The following ZNF25 variants were observed in gnomAD, a reference collection of about 807,000 sequenced individuals.
ZNF25 encodes zinc finger protein 25.
Under a neutral mutation model 30.9 loss-of-function variants are expected in ZNF25, and 21 were observed. The ratio of observed to expected loss-of-function variants is 0.68; its 90% CI spans 0.48 to 0.98. The LOEUF (loss-of-function observed/expected upper bound fraction) is 0.98, where lower values mean the gene tolerates loss of function less well. ZNF25 is among the 50% of genes least tolerant of loss of function. The pLI is 0.00. For synonymous variants in ZNF25, 169 were observed against 181.3 expected (o/e 0.93, Z 0.55); for missense variants, 501 against 529.9 (o/e 0.95, Z 0.54).
chr10:37,953,738 C>A lies in ZNF25; in HGVS notation c.259G>T (p.Asp87Tyr). 13 of 1,613,974 alleles carry A rather than the reference C, an allele frequency of 8.1e-6. No homozygotes were observed. Among genetic ancestry groups the A allele is most frequent in the Non-Finnish European group, 9.3e-6 (11 of 1,179,938 alleles). The part of the protein sequence containing the change: ...GFPEDLWSIH[D>Y]LEARYQESQA... ...CTTTCCTGGTATCTTGCTTCTAGAT[C>A]ATGAATGCTCCATAGGTCTTCTACA... is the stretch of plus-strand genomic sequence containing the variant. Residue 87 changes from aspartate (D) to tyrosine (Y), a missense_variant, in exon 5 of 6, where the codon GAT becomes TAT. Transcript: ENST00000302609.
At chr10:37,965,886 AG>A (rs1359583326) in intron 2 of ZNF25, among the ~76,000 whole-genome samples, 1 of 152,186 alleles carries the variant, frequency 6.6e-6, no homozygotes, top group Non-Finnish European at 1.5e-5. Flanking sequence ...AACAACATAA[AG>A]GGGGGAGAAA....
intron 1 of ZNF25, among the ~76,000 whole-genome samples, chr10:37,972,876 AC>A (rs1221817687): frequency 1.3e-5 from 2 of 152,120 alleles, no homozygotes; most frequent in Non-Finnish European, 2.9e-5. Flanking sequence ...ACATTAGAAA[AC>A]CAGTAGCAGG....
chr10:37,960,680 T>C (rs1480627767), intron 2 of ZNF25, among the ~76,000 whole-genome samples: 1 of 135,812 alleles, frequency 7.4e-6, no homozygotes, highest in Non-Finnish European at 1.5e-5. Flanking sequence ...TCCGAGATAA[T>C]GGCAGGAGAC....
chr10:37,964,020 T>C (rs1012144559), intron 2 of ZNF25, among the ~76,000 whole-genome samples: 22 of 152,088 alleles, frequency 1.4e-4, no homozygotes, highest in African/African-American at 5.1e-4. Context: ...ACCTACCCCT[T>C]ATCTCTCTCT....
At chr10:37,957,647 C>T (rs2062616508) in intron 2 of ZNF25, 101 bp from the exon 3 acceptor site, 3 of 1,303,072 alleles carry the variant, frequency 2.3e-6, no homozygotes, top group Non-Finnish European at 3.1e-6. Context: ...CTGCAAAGTT[C>T]ATTCTGGAGA....
intron 2 of ZNF25, among the ~76,000 whole-genome samples, chr10:37,968,572 T>A (rs1443017923): frequency 6.6e-6 from 1 of 151,962 alleles, no homozygotes; most frequent in East Asian, 1.9e-4. Context: ...ACCAGGCTGG[T>A]CTGAACTCCT....
In ZNF25 at chr10:37,957,560, C is replaced by A; in HGVS notation, c.16-14G>T. 3.1e-6 allele frequency: 5 copies of A among 1,609,890 alleles called. No homozygotes were observed. Among genetic ancestry groups the A allele is most frequent in the Non-Finnish European group, 4.2e-6 (5 of 1,178,194 alleles). Reference sequence around the variant, plus strand: ...TGTCACGGGTCCCTGGAATAACATACTTCAGTTCAATTTGAAGTAACCAGA... The same window carrying A: ...TGTCACGGGTCCCTGGAATAACATAATTCAGTTCAATTTGAAGTAACCAGA... On this transcript the variant is annotated splice_polypyrimidine_tract_variant and intron_variant, in intron 2 of 5. Coordinates refer to ENST00000302609, the MANE Select transcript of ZNF25 (RefSeq NM_145011.4).
chr10:37,956,965 G>A lies in ZNF25; in HGVS notation c.238+55C>T, dbSNP rs1357136177. ...AGATTGCCGAAAAGTACTTCAGAAGGCAAGAGGCACCAACTACTCACCAGT... is the reference window on the plus strand; with the variant it reads ...AGATTGCCGAAAAGTACTTCAGAAGACAAGAGGCACCAACTACTCACCAGT... On this transcript the variant is annotated intron_variant, in intron 4 of 5. Coordinates refer to ENST00000302609, the MANE Select transcript of ZNF25 (RefSeq NM_145011.4). The A allele has an allele frequency of 1.8e-5, 23 of 1,285,632 alleles. No homozygotes were observed. The East Asian group carries it at 4.9e-4, about 27-fold the overall frequency. 79.6% of individuals were successfully genotyped at this position (1,285,632 alleles called of 1,614,324 possible).
At chr10:37,953,416 G>C in intron 5 of ZNF25, 1 of 605,580 alleles carries the variant, frequency 1.7e-6, no homozygotes. Flanking sequence ...CTATTCACAG[G>C]GTCTCTCAAT....
chr10:37,952,952 T>C lies in ZNF25; in HGVS notation c.546A>G (p.Ile182Met). The part of the protein sequence containing the change: ...KTYECKECKK[I>M]FYHLSSLSRH... ...TACTGAGAGATGATAGGTGGTAAAA[T>C]ATTTTCTTACATTCTTTACACTCAT... Residue 182 changes from isoleucine (I) to methionine (M), a missense_variant, in exon 6 of 6, where the codon ATA becomes ATG. Coordinates refer to ENST00000302609, the MANE Select transcript of ZNF25 (RefSeq NM_145011.4). 6.2e-7 allele frequency: 1 copy of C among 1,614,164 alleles called. No homozygotes were observed. The highest frequency in any genetic ancestry group is 1.6e-4 in the Middle Eastern group (1 of 6,062).
intron 2 of ZNF25, among the ~76,000 whole-genome samples, chr10:37,959,971 G>A (rs2062760714): frequency 6.6e-6 from 1 of 151,240 alleles, no homozygotes; most frequent in Non-Finnish European, 1.5e-5. Context: ...CTGGAGTGCA[G>A]GGGCGCGATC....
rs761600291 is a variant in ZNF25 at position 37,953,107 on chromosome 10, AC to A, written c.390del (p.Lys130AsnfsTer5). The part of the protein sequence containing the change: ...CKECGKFFCQ[K>X]SALIVHQHTH... ...GTATGCTGATGTACTATGAGGGCAG[AC>A]TTCTGGCAGAAGAACTTCCCACATT... On this transcript the variant is annotated frameshift_variant, in exon 6 of 6. Transcript: ENST00000302609. LOFTEE classifies it high-confidence loss of function. The A allele has an allele frequency of 6.2e-7, 1 of 1,612,892 alleles. No individual in the cohort carries two copies. Among genetic ancestry groups the A allele is most frequent in the East Asian group, 2.2e-5 (1 of 44,808 alleles).
intron 1 of ZNF25, among the ~76,000 whole-genome samples, chr10:37,973,565 G>T (rs1198808695): frequency 6.9e-6 from 1 of 144,100 alleles, no homozygotes; most frequent in African/African-American, 2.6e-5. Flanking sequence ...GTTGCAGTGA[G>T]CCAAGATTGC....
chr10:37,965,330 C>T (rs1358656145), intron 2 of ZNF25, among the ~76,000 whole-genome samples: 1 of 152,140 alleles, frequency 6.6e-6, no homozygotes, highest in African/African-American at 2.4e-5. Context: ...CCACTGCCCT[C>T]CATACTTTGG....
At chr10:37,953,895 G>A in intron 4 of ZNF25, 137 bp from the exon 5 acceptor site, 1 of 772,188 alleles carries the variant, frequency 1.3e-6, no homozygotes. Context: ...CATTGTTTTG[G>A]GAAAAAAACC....
chr10:37,954,798 A>G (rs550242124), intron 4 of ZNF25, among the ~76,000 whole-genome samples: 102 of 152,326 alleles, frequency 6.7e-4, no homozygotes, highest in African/African-American at 2.3e-3. Context: ...GGTGGGGAAT[A>G]CATAAGAAAA....
Position 37,950,196 on chromosome 10 carries a change from C to T in ZNF25, c.*1931G>A, listed in dbSNP as rs1357834446. ...GCTCAAGGGCATGTGGTGTCTGCTA[C>T]AACTACTCAACTCTGCTGGGGTAGT... On this transcript the variant is annotated 3_prime_UTR_variant, in exon 6 of 6. Coordinates refer to ENST00000302609, the MANE Select transcript of ZNF25 (RefSeq NM_145011.4). The T allele has an allele frequency of 6.6e-6, 1 of 152,628 alleles. No homozygotes were observed. The highest frequency in any genetic ancestry group is 6.6e-5 in the Admixed American group (1 of 15,264). The allele number at this position is 152,628 out of a possible 1,614,324, so 9.5% of individuals were successfully genotyped here.
Position 37,952,728 on chromosome 10 carries a change from G to T in ZNF25, c.770C>A (p.Pro257His). The T allele has an allele frequency of 6.2e-7, 1 of 1,613,950 alleles. No homozygotes were observed. The highest frequency in any genetic ancestry group is 8.5e-7 in the Non-Finnish European group (1 of 1,179,978). The change falls in exon 6 of 6, where the codon CCC becomes CAC. Residue 257 changes from proline to histidine, a missense_variant. Pro to His is a moderately conservative substitution (Grantham distance 77, BLOSUM62 -2). Transcript: ENST00000302609. Reference protein sequence around the residue: ...VHQKTHTGEKPYECKECGKAF... With the variant: ...VHQKTHTGEKHYECKECGKAF... ...TTTCCCACACTCCTTACACTCATAGGGTTTCTCCCCTGTGTGTGTTTTCTG... is the reference window on the plus strand; with the variant it reads ...TTTCCCACACTCCTTACACTCATAGTGTTTCTCCCCTGTGTGTGTTTTCTG...
Position 37,952,539 on chromosome 10 carries a change from C to T in ZNF25, c.959G>A (p.Arg320Lys). 2 of 1,612,870 alleles carry T rather than the reference C, an allele frequency of 1.2e-6. No homozygotes were observed. The highest frequency in any genetic ancestry group is 1.7e-6 in the Non-Finnish European group (2 of 1,179,594). ...GGCTGACTTCTGGTAGAAGCATTTC[C>T]TACATTCCTTACATTCATAGGGTTT... Reference protein sequence around the residue: ...GEKPYECKECRKCFYQKSALT... With the variant: ...GEKPYECKECKKCFYQKSALT... The change falls in exon 6 of 6, where the codon AGG (arginine) becomes AAG (lysine). Residue 320 changes from arginine to lysine, a missense_variant. Transcript: ENST00000302609.
Sources: gnomAD v4.1 joint callset for allele counts (sites outside exome capture counted in the v4.1 genomes callset) on GRCh38, gnomAD v4.1.1 for gene constraint, MANE v1.5 for transcripts, NCBI Gene and HGNC (gene_info 2026-07-23, HGNC 2026-07-21) for gene names.